Variants in TCEA1 observed in about 807,000 individuals in gnomAD.
The protein encoded by TCEA1 is transcription elongation factor A protein 1.
In TCEA1, 21 loss-of-function variants were observed where a neutral mutation model predicts 43.8. The ratio of observed to expected loss-of-function variants is 0.48; its 90% CI spans 0.34 to 0.69. TCEA1 has a LOEUF of 0.69. TCEA1 is among the 30% of genes least tolerant of loss of function. The pLI is 0.01. For synonymous variants in TCEA1, 104 were observed against 117.5 expected (o/e 0.88, Z 0.75); for missense variants, 250 against 365.1 (o/e 0.68, Z 2.57).
Position 53,967,554 on chromosome 8 carries a change from T to C in TCEA1, c.*550A>G, listed in dbSNP as rs1265055953. 7 of 197,740 alleles carry C rather than the reference T, an allele frequency of 3.5e-5. No homozygotes were observed. Among genetic ancestry groups the C allele is most frequent in the African/African-American group, 1.2e-4 (5 of 43,464 alleles). 12.2% of individuals were successfully genotyped at this position (197,740 alleles called of 1,614,324 possible). A position where few individuals can be genotyped will look rare whatever the true frequency, so the allele number is the denominator to read the frequency against. On this transcript the variant is annotated 3_prime_UTR_variant, in exon 10 of 10. Transcript: ENST00000521604. ...CAAAATAATATCTAATATTCCAAGC[T>C]TGTGAACATAATAATTAAAATCAAA...
chr8:53,972,733 G>A, intron 8 of TCEA1: 1 of 691,594 alleles, frequency 1.4e-6, no homozygotes, highest in Non-Finnish European at 2.8e-6. Flanking sequence ...AAACTGAGAG[G>A]TTATCAACTC....
At chr8:53,988,287 G>C in intron 4 of TCEA1, 28 bp from the exon 5 acceptor site, 3 of 1,601,830 alleles carry the variant, frequency 1.9e-6, no homozygotes, top group Middle Eastern at 1.7e-4. Flanking sequence ...ACCCCAAAAA[G>C]AAATCAAGAA....
At chr8:54,004,922 ATAAAT>A (rs568592099) in intron 2 of TCEA1, among the ~76,000 whole-genome samples, 2 of 152,326 alleles carry the variant, frequency 1.3e-5, no homozygotes, top group Admixed American at 1.3e-4. Context: ...TCATGATTGA[ATAAAT>A]TAATCTACTA....
chr8:54,013,660 G>A (rs1178352953), intron 1 of TCEA1, among the ~76,000 whole-genome samples: 8 of 109,474 alleles, frequency 7.3e-5, no homozygotes, highest in South Asian at 3.2e-4. Context: ...CAACCTGGAC[G>A]ATAGAGCAAA....
At chr8:53,978,243 T>A (rs558264378) in intron 8 of TCEA1, among the ~76,000 whole-genome samples, 2 of 151,976 alleles carry the variant, frequency 1.3e-5, no homozygotes, top group East Asian at 1.9e-4. Flanking sequence ...CGCAAAAAAA[T>A]AATAATAATT....
intron 1 of TCEA1, chr8:54,021,661 T>A (rs763452028): frequency 4.8e-5 from 8 of 167,180 alleles, no homozygotes; most frequent in Non-Finnish European, 1.0e-4. Context: ...CTCTATTTGA[T>A]GCTCTTTCTA....
intron 1 of TCEA1, among the ~76,000 whole-genome samples, chr8:54,017,988 C>G (rs1804891482): frequency 6.6e-6 from 1 of 152,124 alleles, no homozygotes; most frequent in African/African-American, 2.4e-5. Flanking sequence ...CACCACAACC[C>G]TTGCATTGTT....
intron 9 of TCEA1, 63 bp downstream of exon 9, chr8:53,970,329 A>G: frequency 8.8e-7 from 1 of 1,134,424 alleles, no homozygotes; most frequent in Non-Finnish European, 1.3e-6. Flanking sequence ...GACCTATGAA[A>G]AGACCAGAAG....
At chr8:53,994,839 C>T (rs1485667984) in intron 3 of TCEA1, among the ~76,000 whole-genome samples, 1 of 151,720 alleles carries the variant, frequency 6.6e-6, no homozygotes, top group Non-Finnish European at 1.5e-5. Flanking sequence ...CCACTGCACT[C>T]CAGCCTGGGC....
intron 4 of TCEA1, among the ~76,000 whole-genome samples, chr8:53,988,589 G>C (rs149600420): frequency 6.6e-6 from 1 of 152,138 alleles, no homozygotes; most frequent in Non-Finnish European, 1.5e-5. Flanking sequence ...TTGGTATAAG[G>C]AGAGGGATGA....
chr8:53,969,861 A>C (rs1255643684), intron 9 of TCEA1, among the ~76,000 whole-genome samples: 1 of 152,206 alleles, frequency 6.6e-6, no homozygotes, highest in East Asian at 1.9e-4. Flanking sequence ...CTCAAGAATG[A>C]ATCATTTAAA....
chr8:54,011,519 GC>G (rs2129312808), intron 1 of TCEA1, among the ~76,000 whole-genome samples: 1 of 152,316 alleles, frequency 6.6e-6, no homozygotes, highest in East Asian at 1.9e-4. Context: ...TTAGCATTCT[GC>G]CTGTGAAAGA....
Position 54,022,202 on chromosome 8 carries a change from G to C in TCEA1, c.-77C>G, listed in dbSNP as rs560322890. The C allele has an allele frequency of 2.7e-4, 399 of 1,490,304 alleles. 1 individual carries two copies. In the African/African-American group the frequency reaches 4.9e-3, roughly 18 times the overall value. The allele number at this position is 1,490,304 out of a possible 1,614,324, so 92.3% of individuals were successfully genotyped here. A position where few individuals can be genotyped will look rare whatever the true frequency, so the allele number is the denominator to read the frequency against. The stretch of plus-strand genomic sequence containing the variant: ...GAAGCTGGAGCGGAAGACACAGCAG[G>C]AGCGACCCCCGGCGCGCAGCAACCC... On this transcript the variant is annotated 5_prime_UTR_variant, in exon 1 of 10. Transcript: ENST00000521604.
intron 1 of TCEA1, among the ~76,000 whole-genome samples, chr8:54,012,146 T>C (rs1425941165): frequency 1.3e-5 from 2 of 152,294 alleles, no homozygotes; most frequent in Non-Finnish European, 1.5e-5. Flanking sequence ...CCAAAAACCT[T>C]TGAAAAGCAA....
At chr8:54,002,018 A>C (rs1292556299) in intron 2 of TCEA1, among the ~76,000 whole-genome samples, 1 of 151,734 alleles carries the variant, frequency 6.6e-6, no homozygotes, top group Non-Finnish European at 1.5e-5. Context: ...ACAAAAAACA[A>C]ATTAGCTGGG....
intron 3 of TCEA1, among the ~76,000 whole-genome samples, chr8:53,999,224 C>CAAAA (rs57357613): frequency 9.6e-3 from 586 of 61,124 alleles, no homozygotes; most frequent in Non-Finnish European, 0.013. Context: ...GACTCAGTCT[C>CAAAA]AAAAAAAAAA....
At position 54,022,343 on chromosome 8, in the gene TCEA1, G is replaced by A. The variant is rs1024363144; in HGVS notation, c.-218C>T. The A allele has an allele frequency of 5.1e-6, 3 of 593,862 alleles. No individual in the cohort carries two copies. The highest frequency in any genetic ancestry group is 8.8e-6 in the Non-Finnish European group (3 of 341,654). 36.8% of individuals were successfully genotyped at this position (593,862 alleles called of 1,614,324 possible). The stretch of plus-strand genomic sequence containing the variant: ...CCAGGCAGCGACAATCGAACACCGC[G>A]CGCGACGTGCAGGCGCTACCAACTG... On this transcript the variant is annotated 5_prime_UTR_variant, in exon 1 of 10. Coordinates refer to ENST00000521604, the MANE Select transcript of TCEA1 (RefSeq NM_006756.4).
chr8:54,007,755 T>C (rs1259324198), intron 2 of TCEA1, among the ~76,000 whole-genome samples: 1 of 152,182 alleles, frequency 6.6e-6, no homozygotes. Flanking sequence ...TGAATTAATA[T>C]AATAGAAATA....
In TCEA1 at chr8:53,999,972, G is replaced by T. The variant is rs1320398592; in HGVS notation, c.205C>A (p.Leu69Ile). Residue 69 changes from leucine (L) to isoleucine (I), a missense_variant, in exon 3 of 10, where the codon CTC becomes ATC. This residue lies in a region of TCEA1 where 27 missense variants were observed against 63.1 expected (regional missense o/e 0.43). Transcript: ENST00000521604. Reference protein sequence around the residue: ...DEEVTSLAKSLIKSWKKLLDG... With the variant: ...DEEVTSLAKSIIKSWKKLLDG... Reference sequence around the variant, plus strand: ...AATAATTTTTTCCAGGATTTGATGAGAGACTTTGCCAAAGATGTAACTTCC... The same window carrying T: ...AATAATTTTTTCCAGGATTTGATGATAGACTTTGCCAAAGATGTAACTTCC... The T allele has an allele frequency of 6.2e-7, 1 of 1,600,334 alleles. No homozygotes were observed. The highest frequency in any genetic ancestry group is 1.1e-5 in the South Asian group (1 of 88,788).
Sources: gnomAD v4.1 joint callset for allele counts (sites outside exome capture counted in the v4.1 genomes callset) on GRCh38, gnomAD v4.1.1 for gene constraint, gnomAD v4.1.1 regional missense constraint, MANE v1.5 for transcripts, NCBI Gene and HGNC (gene_info 2026-07-23, HGNC 2026-07-21) for gene names.